Variants in BRD1 observed in about 807,000 individuals in gnomAD.
BRD1 encodes bromodomain containing 1.
BRD1 carries 24 observed loss-of-function variants against 107.7 expected under a neutral mutation model. The ratio of observed to expected loss-of-function variants is 0.22; its 90% CI spans 0.16 to 0.31. The LOEUF is 0.31. BRD1 is among the 10% of genes least tolerant of loss of function. The pLI is 1.00. For synonymous variants in BRD1, 744 were observed against 686.1 expected, an observed-to-expected ratio of 1.08 and a Z score of -1.32; for missense variants, 1,279 against 1,638.6, an observed-to-expected ratio of 0.78 and a Z score of 3.79.
rs939781534 is a variant in BRD1 at position 49,799,227 on chromosome 22, G to T, written c.1525-108C>A. On this transcript the variant is annotated intron_variant, in intron 3 of 12. Transcript: ENST00000404760. Reference sequence around the variant, plus strand: ...AAGAGGCATCCACGTCAGGGGTCCTGCAGGCCCATCCTGGGGAGGACAACA... The same window carrying T: ...AAGAGGCATCCACGTCAGGGGTCCTTCAGGCCCATCCTGGGGAGGACAACA... The T allele has an allele frequency of 2.8e-6, 4 of 1,443,688 alleles. No homozygotes were observed. The African/African-American group carries it at 5.6e-5, about 20-fold the overall frequency. The allele number at this position is 1,443,688 out of a possible 1,614,324, so 89.4% of individuals were successfully genotyped here.
chr22:49,821,166 A>C (rs906102030), intron 2 of BRD1, among the ~76,000 whole-genome samples: 4 of 152,320 alleles, frequency 2.6e-5, no homozygotes, highest in Admixed American at 6.5e-5. Flanking sequence ...ACCCAACATC[A>C]GGAGCCAAAG....
intron 1 of BRD1, 72 bp downstream of exon 1, chr22:49,827,425 A>AGGCGGCGGC (rs1339862928): frequency 7.0e-6 from 1 of 142,076 alleles, no homozygotes; most frequent in Non-Finnish European, 1.5e-5. Context: ...GGCCGGGCCG[A>AGGCGGCGGC]GGCGGCGGCG....
At position 49,776,121 on chromosome 22, in the gene BRD1, C is replaced by A; in HGVS notation, c.3160G>T (p.Ala1054Ser). Reference protein sequence around the residue: ...QSSMWISTDAAASVLEPLKVV... With the variant: ...QSSMWISTDASASVLEPLKVV... ...TTCAGAGGCTCCAGCACCGAGGCGG[C>A]GGCATCAGTGGAGATCCACATGCTG... The change falls in exon 11 of 13, where the codon GCC becomes TCC. Residue 1054 changes from alanine (A) to serine (S), a missense_variant. By Grantham distance (99) the Ala-to-Ser change is moderately conservative. Coordinates refer to ENST00000404760, the MANE Select transcript of BRD1 (RefSeq NM_001304808.3). 1 of 1,606,704 alleles carries A rather than the reference C, an allele frequency of 6.2e-7. No individual in the cohort carries two copies.
chr22:49,779,768 G>A (rs1174901730), intron 8 of BRD1, among the ~76,000 whole-genome samples: 1 of 151,992 alleles, frequency 6.6e-6, no homozygotes, highest in African/African-American at 2.4e-5. Flanking sequence ...CCCCTCAGGA[G>A]CAGCGACTCC....
rs751113899 is a variant in BRD1, at chr22:49,798,661, T to C, written c.1682A>G (p.Glu561Gly). ...EQVKVEQVAMELRLTPLTVLL... is the reference protein window; with the variant it reads ...EQVKVEQVAMGLRLTPLTVLL... ...CACCGTCAGCGGGGTCAGCCGCAGC[T>C]CCATGGCGACCTGCTCCACCTTCAC... Residue 561 changes from glutamate (E) to glycine (G), a missense_variant, in exon 5 of 13, where the codon GAG becomes GGG. Glu to Gly is a moderately conservative substitution (Grantham distance 98, BLOSUM62 -2). Transcript: ENST00000404760. The C allele has an allele frequency of 1.2e-6, 2 of 1,610,860 alleles. No homozygotes were observed.
intron 8 of BRD1, among the ~76,000 whole-genome samples, chr22:49,786,705 C>G (rs560464897): frequency 2.0e-5 from 3 of 152,290 alleles, no homozygotes; most frequent in East Asian, 1.9e-4. Flanking sequence ...GTTGCAGAGT[C>G]GAGCTCCCAC....
At chr22:49,791,293 C>G (rs554193898) in intron 7 of BRD1, among the ~76,000 whole-genome samples, 1 of 152,330 alleles carries the variant, frequency 6.6e-6, no homozygotes, top group Non-Finnish European at 1.5e-5. Flanking sequence ...AGGGGCAGAC[C>G]GGGGCCAACA....
intron 2 of BRD1, among the ~76,000 whole-genome samples, chr22:49,818,953 G>C (rs921991860): frequency 6.6e-6 from 1 of 152,118 alleles, no homozygotes; most frequent in Admixed American, 6.5e-5. Flanking sequence ...ATGCTGGAGA[G>C]AGGAAGTGAA....
In BRD1 at chr22:49,773,898, A is replaced by G. The variant is rs2059031917; in HGVS notation, c.*335T>C. On this transcript the variant is annotated 3_prime_UTR_variant, in exon 13 of 13. Coordinates refer to ENST00000404760, the MANE Select transcript of BRD1 (RefSeq NM_001304808.3). ...GTAAATTTACATCCCGTCTTATTAA[A>G]TAAGTGGTACTCTGTGTAAAGAGCA... The G allele has an allele frequency of 1.0e-5, 2 of 197,332 alleles. No homozygotes were observed. The highest frequency in any genetic ancestry group is 1.8e-4 in the South Asian group (1 of 5,436). The allele number at this position is 197,332 out of a possible 1,614,324, so 12.2% of individuals were successfully genotyped here.
At chr22:49,790,295 C>G (rs1282980389) in intron 7 of BRD1, among the ~76,000 whole-genome samples, 1 of 152,232 alleles carries the variant, frequency 6.6e-6, no homozygotes, top group Non-Finnish European at 1.5e-5. Flanking sequence ...CAAGCCCAAC[C>G]CGTCCCTCGA....
In BRD1 at chr22:49,798,669, G is replaced by A. The variant is rs746506953; in HGVS notation, c.1674C>T (p.Val558=). 1.7e-5 allele frequency: 27 copies of A among 1,608,696 alleles called. No homozygotes were observed. The highest frequency in any genetic ancestry group is 4.5e-5 in the East Asian group (2 of 44,770). ...LKREQVKVEQ[V]AMELRLTPLT... Reference sequence around the variant, plus strand: ...GCGGGGTCAGCCGCAGCTCCATGGCGACCTGCTCCACCTTCACCTGGGGGG... The same window carrying A: ...GCGGGGTCAGCCGCAGCTCCATGGCAACCTGCTCCACCTTCACCTGGGGGG... Residue 558 remains valine (V), a synonymous_variant, in exon 5 of 13, where the codon GTC becomes GTT. Transcript: ENST00000404760.
At chr22:49,798,797 G>A (rs1382668742) in intron 4 of BRD1, 111 bp from the exon 5 acceptor site, 2 of 1,446,608 alleles carry the variant, frequency 1.4e-6, no homozygotes, top group East Asian at 2.5e-5. Flanking sequence ...CTTCCGTCCA[G>A]GCATAGGACA....
intron 2 of BRD1, among the ~76,000 whole-genome samples, chr22:49,809,867 C>T (rs937968239): frequency 1.3e-5 from 2 of 152,034 alleles, no homozygotes; most frequent in Admixed American, 6.6e-5. Flanking sequence ...AACCAATTCA[C>T]GCAAAAATAA....
At chr22:49,782,043 A>C (rs190264032) in intron 8 of BRD1, among the ~76,000 whole-genome samples, 1 of 149,636 alleles carries the variant, frequency 6.7e-6, no homozygotes, top group African/African-American at 2.5e-5. Context: ...GGGGACGGTC[A>C]GAGACAGACC....
intron 2 of BRD1, among the ~76,000 whole-genome samples, chr22:49,809,548 A>AAAATAT (rs376173597): frequency 2.0e-5 from 3 of 147,794 alleles, no homozygotes. Flanking sequence ...CTCCAAAAAA[A>AAAATAT]ATATATATAT....
In BRD1 at chr22:49,783,339, G is replaced by C. The variant is rs1249849548; in HGVS notation, c.2857+4051C>G. ...CACTGGGCATTGTGGGGAAAAAACA[G>C]AGGAAGGGGAAGTAAGGGGAGAAGG... On this transcript the variant is annotated intron_variant, in intron 8 of 12. Coordinates refer to ENST00000404760, the MANE Select transcript of BRD1 (RefSeq NM_001304808.3). This position sits in a 1 kb window ranked among gnomAD's most constrained non-coding sequence, Gnocchi z 4.2. Among the ~76,000 whole-genome samples, 2 of 152,260 alleles carry C rather than the reference G, an allele frequency of 1.3e-5. No homozygotes were observed. Among genetic ancestry groups the C allele is most frequent in the Non-Finnish European group, 2.9e-5 (2 of 68,042 alleles).
rs779325162 is a variant in BRD1 at position 49,776,029 on chromosome 22, C to T, written c.3231+21G>A. The stretch of plus-strand genomic sequence containing the variant: ...TGTGAGCCTCCTCTGGACCCGCAGG[C>T]GCCACGAGAGCCGTACTCACCAGTG... On this transcript the variant is annotated intron_variant, in intron 11 of 12. Transcript: ENST00000404760. The T allele has an allele frequency of 1.7e-5, 27 of 1,595,702 alleles. No homozygotes were observed. In the South Asian group the frequency reaches 2.1e-4, roughly 12 times the overall value.
intron 3 of BRD1, among the ~76,000 whole-genome samples, chr22:49,800,666 G>A (rs1029045687): frequency 4.6e-5 from 7 of 152,300 alleles, no homozygotes; most frequent in East Asian, 1.9e-4. Flanking sequence ...CAGGGGCCCC[G>A]TTGACAGCAC....
chr22:49,797,662 C>A, intron 6 of BRD1, 143 bp downstream of exon 6: 1 of 745,252 alleles, frequency 1.3e-6, no homozygotes, highest in East Asian at 2.8e-5. Flanking sequence ...TTCAGTGAGG[C>A]TACTAGAAAA....
Sources: allele counts gnomAD v4.1 joint callset (sites outside exome capture counted in the v4.1 genomes callset), GRCh38; gene constraint gnomAD v4.1.1; non-coding constraint Gnocchi (gnomAD v3.1); transcripts MANE v1.5; gene names NCBI Gene and HGNC (gene_info 2026-07-23, HGNC 2026-07-21).